The following KIAA1217 variants were observed in gnomAD, a reference collection of about 807,000 sequenced individuals.
The protein encoded by KIAA1217 is sickle tail protein homolog.
KIAA1217 carries 88 observed loss-of-function variants against 163.9 expected under a neutral mutation model. The observed-to-expected ratio is 0.54, with a 90% CI of 0.45 to 0.64. The LOEUF (loss-of-function observed/expected upper bound fraction) is 0.64, where lower values mean the gene tolerates loss of function less well. Among genes scored for constraint, KIAA1217 ranks in the 30% least tolerant of loss-of-function variants. The pLI is 0.00. For synonymous variants in KIAA1217, 903 were observed against 923.1 expected (o/e 0.98, Z 0.39); for missense variants, 2,372 against 2,475.0 (o/e 0.96, Z 0.88).
intron 2 of KIAA1217, among the ~76,000 whole-genome samples, chr10:24,166,707 C>T (rs1160512532): frequency 5.3e-5 from 8 of 152,070 alleles, no homozygotes; most frequent in Non-Finnish European, 1.2e-4. Flanking sequence ...CACTTCACTT[C>T]CAGCCTGACT....
chr10:23,954,065 A>G (rs1844452106), intron 1 of KIAA1217, among the ~76,000 whole-genome samples: 1 of 152,208 alleles, frequency 6.6e-6, no homozygotes, highest in Non-Finnish European at 1.5e-5. Flanking sequence ...TTTGTGTAAT[A>G]AGATGTCAAC....
chr10:24,511,806 C>T (rs916971905), intron 9 of KIAA1217, among the ~76,000 whole-genome samples: 2 of 152,140 alleles, frequency 1.3e-5, no homozygotes, highest in African/African-American at 4.8e-5. Context: ...CTATGTGGTT[C>T]CCTCCCAGAC....
chr10:23,704,273 C>CT (rs1564351912), intron 1 of KIAA1217, among the ~76,000 whole-genome samples: 1 of 133,000 alleles, frequency 7.5e-6, no homozygotes, highest in African/African-American at 2.8e-5. Flanking sequence ...TCTTTCCTTT[C>CT]TTTTTTAAAA....
At chr10:23,873,978 A>C (rs1193234306) in intron 1 of KIAA1217, among the ~76,000 whole-genome samples, 1 of 152,076 alleles carries the variant, frequency 6.6e-6, no homozygotes, top group Non-Finnish European at 1.5e-5. Flanking sequence ...CATGGTAAGA[A>C]TGTGTCTAAT....
intron 2 of KIAA1217, among the ~76,000 whole-genome samples, chr10:24,104,726 G>A (rs1474489866): frequency 1.3e-5 from 2 of 152,214 alleles, no homozygotes; most frequent in Non-Finnish European, 2.9e-5. Flanking sequence ...TTCAGATATT[G>A]ACAGTAGAAG....
chr10:23,963,345 T>C (rs979509419), intron 1 of KIAA1217, among the ~76,000 whole-genome samples: 3 of 152,170 alleles, frequency 2.0e-5, no homozygotes, highest in African/African-American at 7.2e-5. Flanking sequence ...AACTCCCACT[T>C]ATGAGTGAGA....
At chr10:24,183,739 G>A (rs1252175856) in intron 2 of KIAA1217, among the ~76,000 whole-genome samples, 1 of 152,090 alleles carries the variant, frequency 6.6e-6, no homozygotes, top group African/African-American at 2.4e-5. Context: ...CACTAAATCT[G>A]GTTAGACTGA....
At chr10:24,520,655 T>A (rs866346411) in intron 11 of KIAA1217, among the ~76,000 whole-genome samples, 1,311 of 81,900 alleles carry the variant, frequency 0.016, 41 homozygotes, top group African/African-American at 0.066. Context: ...AAAAAAAATA[T>A]ATATATATAT....
chr10:24,037,075 T>C (rs1050129034), intron 2 of KIAA1217, among the ~76,000 whole-genome samples: 6 of 152,042 alleles, frequency 3.9e-5, no homozygotes, highest in Admixed American at 3.9e-4. Context: ...TGTTACAAAG[T>C]CTTAAGTAAA....
intron 1 of KIAA1217, among the ~76,000 whole-genome samples, chr10:23,921,457 T>C (rs1026491047): frequency 7.9e-5 from 12 of 152,306 alleles, no homozygotes; most frequent in Non-Finnish European, 1.8e-4. Context: ...CTTCCTTCTC[T>C]CATGGTTGGT....
intron 2 of KIAA1217, among the ~76,000 whole-genome samples, chr10:24,350,888 A>C (rs2048373834): frequency 6.6e-6 from 1 of 151,070 alleles, no homozygotes; most frequent in African/African-American, 2.4e-5. Flanking sequence ...TTCATGGTGG[A>C]TCATACCTAA....
chr10:24,513,896 C>A (rs1026911482), intron 10 of KIAA1217, among the ~76,000 whole-genome samples: 24 of 151,900 alleles, frequency 1.6e-4, no homozygotes, highest in African/African-American at 5.8e-4. Flanking sequence ...AAATAGGAAG[C>A]CTATATTTCA....
chr10:23,723,212 G>T (rs1048579573), intron 1 of KIAA1217, among the ~76,000 whole-genome samples: 5 of 152,066 alleles, frequency 3.3e-5, no homozygotes, highest in Non-Finnish European at 5.9e-5. Flanking sequence ...GGGTATTGAT[G>T]CTTTTCATCT....
rs564570198 is a variant in KIAA1217, at chr10:23,816,252, G to T, written c.-321+121018G>T. ...AACATTACTTTGATCCTTAGGGGAA[G>T]TAGTTTCCCATGCTCACATTTCTTT... On this transcript the variant is annotated intron_variant, in intron 1 of 18. Transcript: ENST00000376462. 3.3e-5 allele frequency among the ~76,000 whole-genome samples: 5 copies of T among 152,252 alleles called. No homozygotes were observed. In the East Asian group the frequency reaches 9.7e-4, roughly 29 times the overall value.
At chr10:24,501,749 T>C in intron 9 of KIAA1217, among the ~76,000 whole-genome samples, 1 of 117,714 alleles carries the variant, frequency 8.5e-6, no homozygotes, top group Non-Finnish European at 1.7e-5. Flanking sequence ...TTTTTTTTTT[T>C]TTTTTTTTTT....
chr10:24,471,813 G>A (rs2063543195), intron 5 of KIAA1217, among the ~76,000 whole-genome samples: 1 of 151,096 alleles, frequency 6.6e-6, no homozygotes, highest in Non-Finnish European at 1.5e-5. Context: ...AACCCAGGAG[G>A]TGGAGATTGC....
At chr10:24,263,143 G>T (rs962899807) in intron 2 of KIAA1217, among the ~76,000 whole-genome samples, 10 of 152,174 alleles carry the variant, frequency 6.6e-5, no homozygotes, top group Admixed American at 2.6e-4. Flanking sequence ...TGATACCAGA[G>T]AGTGTGGATT....
chr10:24,246,236 A>T (rs986116284), intron 2 of KIAA1217, among the ~76,000 whole-genome samples: 1 of 152,200 alleles, frequency 6.6e-6, no homozygotes, highest in Non-Finnish European at 1.5e-5. Context: ...ACTCTCATTT[A>T]AAACTATTCT....
intron 2 of KIAA1217, among the ~76,000 whole-genome samples, chr10:24,300,489 T>C (rs916631496): frequency 6.6e-6 from 1 of 152,182 alleles, no homozygotes; most frequent in African/African-American, 2.4e-5. Flanking sequence ...TGCCTCTGTT[T>C]CTACTATGAA....
Sources: gnomAD v4.1 joint callset for allele counts (sites outside exome capture counted in the v4.1 genomes callset) on GRCh38, gnomAD v4.1.1 for gene constraint, MANE v1.5 for transcripts, NCBI Gene and HGNC (gene_info 2026-07-23, HGNC 2026-07-21) for gene names.